The following ZFP30 variants were observed in gnomAD, a reference collection of about 807,000 sequenced individuals.
ZFP30 encodes the protein zinc finger protein 30 homolog.
ZFP30 carries 16 observed loss-of-function variants against 12.3 expected under a neutral mutation model. The ratio of observed to expected loss-of-function variants is 1.30; its 90% CI spans 0.88 to 1.98. The LOEUF is 1.98. Ranked by LOEUF, ZFP30 falls within the 30% of genes most tolerant of loss-of-function variation. ZFP30 has a pLI of 0.00. For synonymous variants in ZFP30, 172 were observed against 201.0 expected (o/e 0.86, Z 1.22); for missense variants, 560 against 611.2 (o/e 0.92, Z 0.88).
chr19:37,640,951 GACC>G (rs1463151886), intron 5 of ZFP30, among the ~76,000 whole-genome samples: 2 of 151,780 alleles, frequency 1.3e-5, no homozygotes, highest in Non-Finnish European at 1.5e-5. Context: ...AAAACCCTAT[GACC>G]ACAAAATTGT....
Position 37,634,914 on chromosome 19 carries a change from A to G in ZFP30, c.*67T>C, listed in dbSNP as rs1257970865. The G allele has an allele frequency of 5.5e-5, 79 of 1,447,082 alleles. No homozygotes were observed. Among genetic ancestry groups the G allele is most frequent in the Non-Finnish European group, 6.8e-5 (75 of 1,100,960 alleles). The allele number at this position is 1,447,082 out of a possible 1,614,324, so 89.6% of individuals were successfully genotyped here. On this transcript the variant is annotated 3_prime_UTR_variant, in exon 6 of 6. Transcript: ENST00000684514. ...GCAAAAGGGATTCCCACGTTCAAAA[A>G]CCTTTCCTCTAGAATGTACTTCCTA... is the stretch of plus-strand genomic sequence containing the variant.
rs1020121986 is a variant in ZFP30 at position 37,643,781 on chromosome 19, A to AT, written c.137-419dup. On this transcript the variant is annotated intron_variant, in intron 4 of 5. Coordinates refer to ENST00000684514, the MANE Select transcript of ZFP30 (RefSeq NM_001320669.3). Reference sequence around the variant, plus strand: ...GAGGTACTACATTTGCTATTTTTTGATTTTTTTTTTAAAGAAAAATAAGTT... The same window carrying AT: ...GAGGTACTACATTTGCTATTTTTTGATTTTTTTTTTTAAAGAAAAATAAGTT... Among the ~76,000 whole-genome samples, 924 of 150,646 alleles carry AT rather than the reference A, an allele frequency of 6.1e-3. 9 individuals carry two copies. The highest frequency in any genetic ancestry group is 0.021 in the African/African-American group (846 of 41,076).
At chr19:37,644,556 G>C in intron 4 of ZFP30, 54 bp downstream of exon 4, 1 of 1,314,264 alleles carries the variant, frequency 7.6e-7, no homozygotes, top group Non-Finnish European at 1.0e-6. Flanking sequence ...AGACAGCCCA[G>C]AAATTCAGTC....
At chr19:37,644,402 T>C (rs985749292) in intron 4 of ZFP30, 61 of 359,384 alleles carry the variant, frequency 1.7e-4, no homozygotes, top group Non-Finnish European at 2.5e-4. Flanking sequence ...GGTGTGGTGG[T>C]GTGCGCCTGT....
intron 2 of ZFP30, among the ~76,000 whole-genome samples, chr19:37,652,961 CA>C (rs1355604169): frequency 2.0e-5 from 3 of 151,456 alleles, no homozygotes; most frequent in African/African-American, 4.9e-5. Flanking sequence ...CTACTAAATA[CA>C]AAAAATTAGC....
chr19:37,635,195 A>G lies in ZFP30; in HGVS notation c.1346T>C (p.Leu449Pro). 6.2e-7 allele frequency: 1 copy of G among 1,612,532 alleles called. No individual in the cohort carries two copies. Among genetic ancestry groups the G allele is most frequent in the South Asian group, 1.1e-5 (1 of 90,898 alleles). The change falls in exon 6 of 6, where the codon CTG (leucine) becomes CCG (proline). Residue 449 changes from leucine to proline, a missense_variant. Physicochemically the swap from Leu to Pro is moderately conservative, Grantham distance 98. Transcript: ENST00000684514. ...TTGATGTTGGGTAAGTTGTGAAAGC[A>G]GTCTAAAAGTCTTCTCACATTCCTT... ...KCKECEKTFR[L>P]LSQLTQHQSI... is the part of the protein sequence containing the mutation.
In ZFP30 at chr19:37,631,873, T is replaced by G. The variant is rs1439975847; in HGVS notation, c.*3108A>C. 3 of 152,094 alleles carry G rather than the reference T, an allele frequency of 2.0e-5. No individual in the cohort carries two copies. Among genetic ancestry groups the G allele is most frequent in the Admixed American group, 1.3e-4 (2 of 15,282 alleles). The allele number at this position is 152,094 out of a possible 1,614,324, so 9.4% of individuals were successfully genotyped here. Reference sequence around the variant, plus strand: ...TCTATTCTAAACTGTTGGATATAATTTCCCATAGAAATTAGAATTACCAGA... The same window carrying G: ...TCTATTCTAAACTGTTGGATATAATGTCCCATAGAAATTAGAATTACCAGA... On this transcript the variant is annotated 3_prime_UTR_variant, in exon 6 of 6. Transcript: ENST00000684514.
intron 2 of ZFP30, chr19:37,651,294 T>C (rs1043879139): frequency 6.6e-6 from 1 of 151,928 alleles, no homozygotes; most frequent in Non-Finnish European, 1.5e-5. Context: ...ATAGCACAGC[T>C]GGCCGGGCAC....
Position 37,651,194 on chromosome 19 carries a change from C to T in ZFP30, c.-77-3295G>A, listed in dbSNP as rs527861094. Among the ~76,000 whole-genome samples, 8 of 152,112 alleles carry T rather than the reference C, an allele frequency of 5.3e-5. No individual in the cohort carries two copies. In the East Asian group the frequency reaches 7.7e-4, roughly 15 times the overall value. Reference sequence around the variant, plus strand: ...CTTTTTTTTCTGAGATTAAAATGATCTTGTTTTTTGTAAGTTTAGTTTTCT... The same window carrying T: ...CTTTTTTTTCTGAGATTAAAATGATTTTGTTTTTTGTAAGTTTAGTTTTCT... On this transcript the variant is annotated intron_variant, in intron 2 of 5. Transcript: ENST00000684514.
chr19:37,635,820 G>C lies in ZFP30; in HGVS notation c.721C>G (p.Pro241Ala), dbSNP rs139923645. 4.5e-5 allele frequency: 73 copies of C among 1,614,092 alleles called. No individual in the cohort carries two copies. The African/African-American group carries it at 9.5e-4, about 21-fold the overall frequency. ...TTCCCACATTCTTTACATTCATACGGCTTCTCACCAATATGAATTCTCTGA... is the reference window on the plus strand; with the variant it reads ...TTCCCACATTCTTTACATTCATACGCCTTCTCACCAATATGAATTCTCTGA... ...VHQRIHIGEK[P>A]YECKECGKAF... The change falls in exon 6 of 6, where the codon CCG (proline) becomes GCG (alanine). Residue 241 changes from proline to alanine, a missense_variant. By Grantham distance (27) the Pro-to-Ala change is conservative. Coordinates refer to ENST00000684514, the MANE Select transcript of ZFP30 (RefSeq NM_001320669.3).
chr19:37,635,746 C>T lies in ZFP30; in HGVS notation c.795G>A (p.Thr265=), dbSNP rs372392417. The T allele has an allele frequency of 1.5e-5, 24 of 1,613,424 alleles. No individual in the cohort carries two copies. Among genetic ancestry groups the T allele is most frequent in the Non-Finnish European group, 1.7e-5 (20 of 1,179,888 alleles). ...GQLNLHQRIH[T]GEKPYECKEC... is the part of the protein sequence containing the mutation. ...CTTTACATTCATAGGGTTTCTCACCCGTGTGAATCCTTTGATGGAGATTAA... is the reference window on the plus strand; with the variant it reads ...CTTTACATTCATAGGGTTTCTCACCTGTGTGAATCCTTTGATGGAGATTAA... The change falls in exon 6 of 6, where the codon ACG becomes ACA. Residue 265 remains threonine (T), a synonymous_variant. Coordinates refer to ENST00000684514, the MANE Select transcript of ZFP30 (RefSeq NM_001320669.3).
intron 4 of ZFP30, among the ~76,000 whole-genome samples, chr19:37,643,754 A>G (rs1302642178): frequency 6.6e-6 from 1 of 152,224 alleles, no homozygotes; most frequent in Admixed American, 6.5e-5. Flanking sequence ...ATATATGTTC[A>G]TGAGGTACTA....
chr19:37,646,750 T>C (rs1049053169), intron 3 of ZFP30, among the ~76,000 whole-genome samples: 2 of 152,036 alleles, frequency 1.3e-5, no homozygotes, highest in Non-Finnish European at 2.9e-5. Flanking sequence ...CAGTTTTGTT[T>C]TGTTTTGTTT....
intron 2 of ZFP30, among the ~76,000 whole-genome samples, chr19:37,649,819 G>A (rs371095755): frequency 1.6e-4 from 22 of 137,810 alleles, no homozygotes; most frequent in East Asian, 1.4e-3. Flanking sequence ...GTGATACCCC[G>A]TCTTAAAAAA....
rs111803324 is a variant in ZFP30 at position 37,649,024 on chromosome 19, T to C, written c.-77-1125A>G. On this transcript the variant is annotated intron_variant, in intron 2 of 5. Transcript: ENST00000684514. ...AGGCCCAGATGGGAGGATTGCTTGA[T>C]GCCAGGAATTGAAAACCAGCCTCAA... Among the ~76,000 whole-genome samples the C allele has an allele frequency of 6.0e-3, 908 of 152,000 alleles. 11 individuals are homozygous for C. Among genetic ancestry groups the C allele is most frequent in the African/African-American group, 0.021 (856 of 41,452 alleles).
At chr19:37,636,607 C>T (rs1019942948) in intron 5 of ZFP30, among the ~76,000 whole-genome samples, 1 of 152,154 alleles carries the variant, frequency 6.6e-6, no homozygotes, top group Admixed American at 6.5e-5. Flanking sequence ...GTAACATGGA[C>T]TCTGTCGAAC....
chr19:37,648,475 G>A (rs923079649), intron 2 of ZFP30, among the ~76,000 whole-genome samples: 1 of 151,952 alleles, frequency 6.6e-6, no homozygotes, highest in Non-Finnish European at 1.5e-5. Flanking sequence ...TGGGATTTAG[G>A]ATTTTTTTTT....
intron 5 of ZFP30, among the ~76,000 whole-genome samples, chr19:37,637,195 CTTTTTTTCTTTTT>C (rs1291097205): frequency 2.1e-5 from 3 of 145,032 alleles, no homozygotes; most frequent in Non-Finnish European, 3.0e-5. Flanking sequence ...TTTCTTTTTT[CTTTTTTTCTTTTT>C]TTTTTTTTTT....
rs1185377224 is a variant in ZFP30 at position 37,635,440 on chromosome 19, A to T, written c.1101T>A (p.Tyr367Ter). ...KECGKTFSRG[Y>*]HLTLHQRIHT... The stretch of plus-strand genomic sequence containing the variant: ...GTATTCTCTGATGGAGAGTTAGATG[A>T]TAGCCACGACTGAAAGTCTTCCCAC... The change falls in exon 6 of 6, where the codon TAT (tyrosine) becomes TAA (stop). Residue 367 changes from tyrosine to a stop codon, truncating the protein, a stop_gained. Coordinates refer to ENST00000684514, the MANE Select transcript of ZFP30 (RefSeq NM_001320669.3). LOFTEE classifies it low-confidence loss of function (END_TRUNC). 6.2e-7 allele frequency: 1 copy of T among 1,613,826 alleles called. No individual in the cohort carries two copies. Among genetic ancestry groups the T allele is most frequent in the East Asian group, 2.2e-5 (1 of 44,832 alleles).
Sources: gnomAD v4.1 joint callset for allele counts (sites outside exome capture counted in the v4.1 genomes callset) on GRCh38, gnomAD v4.1.1 for gene constraint, MANE v1.5 for transcripts, NCBI Gene and HGNC (gene_info 2026-07-23, HGNC 2026-07-21) for gene names.